KCNJ3: variants seen among roughly 807,000 people sequenced by gnomAD.
KCNJ3 encodes G protein-activated inward rectifier potassium channel 1.
KCNJ3 carries 4 observed loss-of-function variants against 39.2 expected under a neutral mutation model. That is an observed-to-expected ratio of 0.10 (90% confidence interval 0.05 to 0.23). KCNJ3 has a LOEUF of 0.23. Ranked by LOEUF, KCNJ3 falls within the 10% of genes least tolerant of loss-of-function variation. The probability of loss-of-function intolerance (pLI) is 1.00; values close to 1 mark genes in which losing one functional copy is unlikely to be tolerated. For missense variants in KCNJ3, 276 were observed against 634.9 expected (o/e 0.43, Z 6.08); for synonymous variants, 230 against 237.4 (o/e 0.97, Z 0.29).
intron 2 of KCNJ3, among the ~76,000 whole-genome samples, chr2:154,756,757 T>G (rs1685944132): frequency 6.6e-6 from 1 of 151,934 alleles, no homozygotes; most frequent in Non-Finnish European, 1.5e-5. Flanking sequence ...ACTTAAAGTA[T>G]AATAAAAATA....
At chr2:154,730,858 C>A (rs1309447093) in intron 2 of KCNJ3, among the ~76,000 whole-genome samples, 1 of 151,958 alleles carries the variant, frequency 6.6e-6, no homozygotes, top group Non-Finnish European at 1.5e-5. Context: ...CAAATCACAC[C>A]CTGCACTAAC....
At chr2:154,706,155 G>A (rs1685004755) in intron 1 of KCNJ3, among the ~76,000 whole-genome samples, 1 of 151,914 alleles carries the variant, frequency 6.6e-6, no homozygotes, top group Non-Finnish European at 1.5e-5. Flanking sequence ...CGATCGCTTT[G>A]AATTTGAAAA....
intron 2 of KCNJ3, among the ~76,000 whole-genome samples, chr2:154,714,288 A>G (rs1271643252): frequency 2.0e-5 from 3 of 152,014 alleles, no homozygotes; most frequent in African/African-American, 7.2e-5. Flanking sequence ...TTGTCCCTTT[A>G]TACATTTAAG....
At chr2:154,816,110 A>T (rs1283200917) in intron 2 of KCNJ3, among the ~76,000 whole-genome samples, 2 of 152,212 alleles carry the variant, frequency 1.3e-5, no homozygotes, top group African/African-American at 2.4e-5. Flanking sequence ...AAAACTGTGA[A>T]TGATATAATG....
In KCNJ3 at chr2:154,856,971, G is replaced by GT. The variant is rs776492156; in HGVS notation, c.*1664dup. The stretch of plus-strand genomic sequence containing the variant: ...CTAGTTTGGGCTCTCATTATTTCCT[G>GT]TTTTTTAACAATTTTGTGATAATTT... On this transcript the variant is annotated 3_prime_UTR_variant, in exon 3 of 3. Transcript: ENST00000295101. 21 of 152,026 alleles carry GT rather than the reference G, an allele frequency of 1.4e-4. No homozygotes were observed. The highest frequency in any genetic ancestry group is 2.8e-4 in the Non-Finnish European group (19 of 67,980). 9.4% of individuals were successfully genotyped at this position (152,026 alleles called of 1,614,324 possible).
intron 1 of KCNJ3, among the ~76,000 whole-genome samples, chr2:154,708,996 C>A (rs1040079799): frequency 2.0e-5 from 3 of 152,174 alleles, no homozygotes; most frequent in Non-Finnish European, 4.4e-5. Flanking sequence ...CATTAGCTAA[C>A]AACATCTGCC....
chr2:154,797,187 G>A (rs2105214294), intron 2 of KCNJ3, among the ~76,000 whole-genome samples: 1 of 152,250 alleles, frequency 6.6e-6, no homozygotes, highest in East Asian at 1.9e-4. Flanking sequence ...CACTTGTCTG[G>A]TGCCGAAGCA....
At chr2:154,782,086 G>A (rs188775722) in intron 2 of KCNJ3, among the ~76,000 whole-genome samples, 1 of 152,240 alleles carries the variant, frequency 6.6e-6, no homozygotes, top group East Asian at 1.9e-4. Flanking sequence ...ACTTTTAGGA[G>A]CTTCATCATG....
At position 154,854,987 on chromosome 2, in the gene KCNJ3, G is replaced by A. The variant is rs1687813362; in HGVS notation, c.1180G>A (p.Asp394Asn). ...NSVECLDGLD[D>N]ITTKLPSKLQ... ...TGTGGAATGCTTAGATGGACTAGAT[G>A]ATATTACTACAAAACTACCATCTAA... The change falls in exon 3 of 3, where the codon GAT becomes AAT. Residue 394 changes from aspartate (D) to asparagine (N), a missense_variant. Physicochemically the swap from Asp to Asn is conservative, Grantham distance 23. This residue lies in a region of KCNJ3 where 126 missense variants were observed against 179.8 expected (regional missense o/e 0.70). Coordinates refer to ENST00000295101, the MANE Select transcript of KCNJ3 (RefSeq NM_002239.4). 1 of 1,613,894 alleles carries A rather than the reference G, an allele frequency of 6.2e-7. No individual in the cohort carries two copies. Among genetic ancestry groups the A allele is most frequent in the Admixed American group, 1.7e-5 (1 of 59,974 alleles).
At chr2:154,782,377 G>A (rs768975449) in intron 2 of KCNJ3, among the ~76,000 whole-genome samples, 1 of 152,092 alleles carries the variant, frequency 6.6e-6, no homozygotes, top group Non-Finnish European at 1.5e-5. Context: ...AACAGTGATC[G>A]GCCCATAGTA....
At chr2:154,722,152 A>G (rs1188181014) in intron 2 of KCNJ3, among the ~76,000 whole-genome samples, 1 of 151,700 alleles carries the variant, frequency 6.6e-6, no homozygotes, top group Admixed American at 6.6e-5. Flanking sequence ...TGCAGCAAAT[A>G]CACTAAAAGT....
intron 2 of KCNJ3, among the ~76,000 whole-genome samples, chr2:154,771,888 C>A (rs75335540): frequency 0.043 from 6,503 of 152,164 alleles, 249 homozygotes; most frequent in African/African-American, 0.1. Flanking sequence ...TAAACGGATA[C>A]CCTGGAGTAC....
At chr2:154,769,801 A>T (rs1411237514) in intron 2 of KCNJ3, among the ~76,000 whole-genome samples, 1 of 151,920 alleles carries the variant, frequency 6.6e-6, no homozygotes, top group Non-Finnish European at 1.5e-5. Flanking sequence ...CCTTTTTTTA[A>T]TGGACTCTAT....
intron 2 of KCNJ3, among the ~76,000 whole-genome samples, chr2:154,840,112 T>G (rs1450613907): frequency 6.6e-6 from 1 of 152,210 alleles, no homozygotes; most frequent in African/African-American, 2.4e-5. Flanking sequence ...TTACTTTTTA[T>G]GTAAGGTGTA....
chr2:154,767,931 T>C (rs1182525741), intron 2 of KCNJ3, among the ~76,000 whole-genome samples: 3 of 152,226 alleles, frequency 2.0e-5, no homozygotes, highest in African/African-American at 7.2e-5. Context: ...ATTTCTCTGA[T>C]GGCCAGTGAT....
intron 2 of KCNJ3, among the ~76,000 whole-genome samples, chr2:154,763,312 C>G (rs912836778): frequency 7.2e-5 from 11 of 152,098 alleles, no homozygotes; most frequent in Admixed American, 2.0e-4. Context: ...TGGATTTTCT[C>G]TAGGTGGGGC....
chr2:154,850,050 A>ATTTTTTTTTTTTTTTTT (rs1687732796), intron 2 of KCNJ3, among the ~76,000 whole-genome samples: 1 of 26,064 alleles, frequency 3.8e-5, no homozygotes, highest in Non-Finnish European at 8.7e-5. Context: ...TTTTTACAAA[A>ATTTTTTTTTTTTTTTTT]TGTTTTTTAT....
At chr2:154,831,151 G>GCAAAA (rs1236265665) in intron 2 of KCNJ3, among the ~76,000 whole-genome samples, 9 of 152,086 alleles carry the variant, frequency 5.9e-5, no homozygotes, top group Non-Finnish European at 1.0e-4. Flanking sequence ...AGTGATCTCT[G>GCAAAA]CAAAACACAG....
intron 2 of KCNJ3, among the ~76,000 whole-genome samples, chr2:154,822,106 G>A (rs147592891): frequency 7.8e-4 from 119 of 152,114 alleles, no homozygotes; most frequent in Middle Eastern, 3.4e-3. Context: ...TGTTCTCCAC[G>A]AAAACATCAG....
Sources: allele counts gnomAD v4.1 joint callset (sites outside exome capture counted in the v4.1 genomes callset), GRCh38; gene constraint gnomAD v4.1.1; regional missense constraint gnomAD v4.1.1; transcripts MANE v1.5; gene names NCBI Gene and HGNC (gene_info 2026-07-23, HGNC 2026-07-21).